The following ERC2 variants were observed in gnomAD, a reference collection of about 807,000 sequenced individuals.
ERC2 encodes ERC protein 2.
In ERC2, 42 loss-of-function variants were observed where a neutral mutation model predicts 114.8. The observed-to-expected ratio is 0.37, with a 90% CI of 0.29 to 0.47. The LOEUF (loss-of-function observed/expected upper bound fraction) is 0.47, where lower values mean the gene tolerates loss of function less well. Ranked by LOEUF, ERC2 falls within the 20% of genes least tolerant of loss-of-function variation. The pLI is 0.99. For missense variants in ERC2, 939 were observed against 1,150.7 expected, an observed-to-expected ratio of 0.82 and a Z score of 2.66; for synonymous variants, 454 against 425.5, an observed-to-expected ratio of 1.07 and a Z score of -0.82.
chr3:56,256,706 A>C (rs1253338434), intron 3 of ERC2, among the ~76,000 whole-genome samples: 1 of 152,154 alleles, frequency 6.6e-6, no homozygotes, highest in African/African-American at 2.4e-5. Flanking sequence ...GAAGGAAGTG[A>C]TTGAATCATG....
At chr3:56,372,085 C>A (rs961216414) in intron 2 of ERC2, among the ~76,000 whole-genome samples, 4 of 152,094 alleles carry the variant, frequency 2.6e-5, no homozygotes, top group African/African-American at 9.7e-5. Flanking sequence ...AAGAGAGTTG[C>A]CCCACAAGAA....
chr3:56,009,725 G>A (rs533742589), intron 9 of ERC2, among the ~76,000 whole-genome samples: 3 of 152,116 alleles, frequency 2.0e-5, no homozygotes, highest in Non-Finnish European at 2.9e-5. Context: ...CTTCTCCACC[G>A]AACTATCCCC....
At chr3:56,391,303 A>G (rs374483598) in intron 2 of ERC2, among the ~76,000 whole-genome samples, 1 of 152,198 alleles carries the variant, frequency 6.6e-6, no homozygotes, top group Admixed American at 6.5e-5. Flanking sequence ...CCTGGTCACA[A>G]CTTCCAATGT....
chr3:56,139,578 C>T lies in ERC2; in HGVS notation c.1404G>A (p.Lys468=), dbSNP rs2080726671. 1.9e-6 allele frequency: 3 copies of T among 1,613,806 alleles called. No homozygotes were observed. ...ACTCTTTGAGCACTTCAATGTGTTG[C>T]TTGCAATCTGAATTTTGATTGCTGA... is the stretch of plus-strand genomic sequence containing the variant. ...ETLSNQNSDC[K]QHIEVLKESL... is the part of the protein sequence containing the mutation. The change falls in exon 6 of 18, where the codon AAG becomes AAA. Residue 468 remains lysine (K), a synonymous_variant. Transcript: ENST00000288221.
At chr3:55,725,425 T>A (rs1257719830) in intron 15 of ERC2, among the ~76,000 whole-genome samples, 1 of 152,162 alleles carries the variant, frequency 6.6e-6, no homozygotes, top group Non-Finnish European at 1.5e-5. Context: ...AATCACAGAA[T>A]TCATGGGAAT....
At chr3:55,630,626 C>T (rs1328927004) in intron 17 of ERC2, among the ~76,000 whole-genome samples, 1 of 152,214 alleles carries the variant, frequency 6.6e-6, no homozygotes, top group Non-Finnish European at 1.5e-5. Flanking sequence ...GAGACCTCCT[C>T]ATGTGTCTGC....
chr3:56,211,734 A>G (rs545544495), intron 3 of ERC2, among the ~76,000 whole-genome samples: 83 of 152,252 alleles, frequency 5.5e-4, no homozygotes, highest in African/African-American at 1.8e-3. Flanking sequence ...AAACAGCATA[A>G]TACTGGTATA....
chr3:56,254,190 C>T (rs2052364974), intron 3 of ERC2, among the ~76,000 whole-genome samples: 1 of 152,232 alleles, frequency 6.6e-6, no homozygotes, highest in South Asian at 2.1e-4. Flanking sequence ...TGGATTGCTG[C>T]GGCATGATGG....
intron 13 of ERC2, among the ~76,000 whole-genome samples, chr3:55,893,947 A>G (rs2063728263): frequency 6.6e-6 from 1 of 152,178 alleles, no homozygotes; most frequent in African/African-American, 2.4e-5. Context: ...ATCTGTAACA[A>G]TAGTACTTAT....
intron 17 of ERC2, among the ~76,000 whole-genome samples, chr3:55,589,023 A>C (rs781481229): frequency 6.6e-6 from 1 of 152,064 alleles, no homozygotes; most frequent in Non-Finnish European, 1.5e-5. Context: ...CTGAGTTTGA[A>C]TTCACTTATT....
chr3:55,549,196 G>A (rs1158453210), intron 17 of ERC2, among the ~76,000 whole-genome samples: 22 of 152,140 alleles, frequency 1.4e-4, no homozygotes, highest in Admixed American at 1.4e-3. Context: ...ATCACCTCGA[G>A]CATCTGATCT....
intron 2 of ERC2, among the ~76,000 whole-genome samples, chr3:56,372,184 G>A (rs566847002): frequency 4.6e-5 from 7 of 152,316 alleles, no homozygotes; most frequent in Admixed American, 1.3e-4. Context: ...CAAACAGGGA[G>A]AGCCCTTATA....
At chr3:56,376,439 C>G (rs1433220375) in intron 2 of ERC2, among the ~76,000 whole-genome samples, 1 of 147,426 alleles carries the variant, frequency 6.8e-6, no homozygotes, top group Non-Finnish European at 1.5e-5. Context: ...AGCTGTGAGA[C>G]AAAGAATCTT....
chr3:55,743,593 CAAAAAA>C lies in ERC2; in HGVS notation c.2565-8681_2565-8676del, dbSNP rs367859231. Among the ~76,000 whole-genome samples, 55 of 97,200 alleles carry C rather than the reference CAAAAAA, an allele frequency of 5.7e-4. No individual in the cohort carries two copies. The South Asian group carries it at 0.016, about 28-fold the overall frequency. 63.8% of individuals were successfully genotyped at this position (97,200 alleles called of 152,430 possible). ...GCTCATTACTATGTGCCTGATCCAC[CAAAAAA>C]AAAAAAAAAAAAAAGAAACAAGAAA... On this transcript the variant is annotated intron_variant, in intron 14 of 17. Coordinates refer to ENST00000288221, the MANE Select transcript of ERC2 (RefSeq NM_015576.3).
chr3:55,930,266 T>C (rs1429335295), intron 13 of ERC2, among the ~76,000 whole-genome samples: 2 of 151,888 alleles, frequency 1.3e-5, no homozygotes, highest in Non-Finnish European at 2.9e-5. Flanking sequence ...AATAAATAAA[T>C]AAATAACCCA....
chr3:56,093,822 A>G (rs995042858), intron 6 of ERC2, among the ~76,000 whole-genome samples: 1 of 152,214 alleles, frequency 6.6e-6, no homozygotes, highest in African/African-American at 2.4e-5. Flanking sequence ...GAAAAAAAGA[A>G]GAAGAAATGT....
chr3:56,240,838 T>A (rs1049001909), intron 3 of ERC2, among the ~76,000 whole-genome samples: 4 of 152,216 alleles, frequency 2.6e-5, no homozygotes. Context: ...AAAATTTTTT[T>A]ATATATTCAG....
intron 1 of ERC2, among the ~76,000 whole-genome samples, chr3:56,447,394 T>A (rs2062627410): frequency 6.6e-6 from 1 of 152,188 alleles, no homozygotes; most frequent in Non-Finnish European, 1.5e-5. Context: ...GCTCTGGGGC[T>A]GTGTAAGCCC....
intron 13 of ERC2, among the ~76,000 whole-genome samples, chr3:55,946,287 G>A (rs1228215107): frequency 3.9e-5 from 6 of 152,028 alleles, no homozygotes; most frequent in African/African-American, 1.4e-4. Flanking sequence ...AGAAAATCAC[G>A]ATCTTTCACA....
Sources: gnomAD v4.1 joint callset for allele counts (sites outside exome capture counted in the v4.1 genomes callset) on GRCh38, gnomAD v4.1.1 for gene constraint, MANE v1.5 for transcripts, NCBI Gene and HGNC (gene_info 2026-07-23, HGNC 2026-07-21) for gene names.